CAST: variants seen among roughly 807,000 people sequenced by gnomAD.
CAST encodes the protein MIR583 host.
CAST carries 76 observed loss-of-function variants against 119.6 expected under a neutral mutation model. That is an observed-to-expected ratio of 0.64 (90% CI 0.53 to 0.77). The LOEUF (loss-of-function observed/expected upper bound fraction) is 0.77. Ranked by LOEUF, CAST falls within the 30% of genes least tolerant of loss-of-function variation. The probability of loss-of-function intolerance (pLI) is 0.00; values close to 1 mark genes in which losing one functional copy is unlikely to be tolerated. For missense variants in CAST, 953 were observed against 946.5 expected, an observed-to-expected ratio of 1.01 and a Z score of -0.09; for synonymous variants, 319 against 331.6, an observed-to-expected ratio of 0.96 and a Z score of 0.41.
At chr5:96,408,367 A>AGGAGT in the CAST span, 1 of 1,398,576 alleles carries the variant, frequency 7.2e-7, no homozygotes, top group Non-Finnish European at 1.0e-6. Context: ...AGAACACGTG[A>AGGAGT]GGAGTGTGGG....
the CAST span, among the ~76,000 whole-genome samples, chr5:96,321,530 T>A: frequency 4.6e-5 from 7 of 152,268 alleles, no homozygotes; most frequent in Non-Finnish European, 1.0e-4. Flanking sequence ...CAGACTGGAA[T>A]GTTCTTTTCT....
the CAST span, among the ~76,000 whole-genome samples, chr5:96,452,640 TAAAAAAAAA>T: frequency 1.4e-3 from 122 of 90,138 alleles, 1 homozygote; most frequent in South Asian, 0.022. Flanking sequence ...TAAAGTATAA[TAAAAAAAAA>T]AAAAAAAAAA....
At chr5:96,237,787 C>T in the CAST span, among the ~76,000 whole-genome samples, 12 of 152,056 alleles carry the variant, frequency 7.9e-5, no homozygotes, top group East Asian at 9.6e-4. Flanking sequence ...TTTCTACTTA[C>T]GCATTCCTAA....
chr5:96,737,919 A>T lies in CAST; in HGVS notation c.770A>T (p.Asn257Ile). 2 of 1,600,814 alleles carry T rather than the reference A, an allele frequency of 1.2e-6. No homozygotes were observed. Among genetic ancestry groups the T allele is most frequent in the Non-Finnish European group, 1.7e-6 (2 of 1,168,036 alleles). The change falls in exon 11 of 32, where the codon AAT becomes ATT. Residue 257 changes from asparagine (N) to isoleucine (I), a missense_variant. Asn to Ile is a moderately radical substitution (Grantham distance 149). Transcript: ENST00000675179. Reference sequence around the variant, plus strand: ...GGACCTGAAGAAACTGAAGAAGAAAATACAACGTATACTGGACCAGAAGTT... The same window carrying T: ...GGACCTGAAGAAACTGAAGAAGAAATTACAACGTATACTGGACCAGAAGTT... ...LGGPEETEEE[N>I]TTYTGPEVSD...
At chr5:96,212,772 G>A in the CAST span, among the ~76,000 whole-genome samples, 1 of 151,916 alleles carries the variant, frequency 6.6e-6, no homozygotes, top group African/African-American at 2.4e-5. Context: ...GTTGCTTTTT[G>A]TACACACATT....
intron 1 of CAST, among the ~76,000 whole-genome samples, chr5:96,597,834 G>T (rs1403423254): frequency 2.0e-5 from 3 of 152,026 alleles, no homozygotes; most frequent in Non-Finnish European, 4.4e-5. Flanking sequence ...TGTAAAGTGG[G>T]GGTCAGGGTG....
the CAST span, among the ~76,000 whole-genome samples, chr5:96,226,378 T>C: frequency 0.18 from 27,894 of 152,100 alleles, 4,073 homozygotes; most frequent in African/African-American, 0.4. Context: ...AGGCTGGGCA[T>C]GGTGGGTTAT....
At chr5:96,623,230 G>A (rs77262185) in intron 1 of CAST, among the ~76,000 whole-genome samples, 17,333 of 151,988 alleles carry the variant, frequency 0.11, 1,393 homozygotes, top group East Asian at 0.29. Context: ...CTTAGTGACA[G>A]GTCACAAACT....
chr5:96,541,785 T>C (rs192652217), intron 1 of CAST, among the ~76,000 whole-genome samples: 2 of 152,372 alleles, frequency 1.3e-5, no homozygotes, highest in African/African-American at 2.4e-5. Flanking sequence ...GGCATTGTTT[T>C]AGAGCTTGAT....
At chr5:96,577,703 A>G (rs1746699941) in intron 1 of CAST, among the ~76,000 whole-genome samples, 1 of 151,878 alleles carries the variant, frequency 6.6e-6, no homozygotes, top group African/African-American at 2.4e-5. Flanking sequence ...GTCTTCTGTT[A>G]TTGGTTTCTA....
chr5:96,663,199 C>G (rs2150216222), intron 1 of CAST: 1 of 702,660 alleles, frequency 1.4e-6, no homozygotes, highest in Non-Finnish European at 2.6e-6. Flanking sequence ...GGGCAGGACC[C>G]GGAAGGGAGT....
chr5:96,628,044 A>G (rs2150201145), intron 1 of CAST, among the ~76,000 whole-genome samples: 1 of 152,388 alleles, frequency 6.6e-6, no homozygotes, highest in South Asian at 2.1e-4. Flanking sequence ...TTATACAAAC[A>G]TTTAGAAAGG....
chr5:96,727,590 C>T, intron 6 of CAST, 60 bp downstream of exon 6: 1 of 1,089,214 alleles, frequency 9.2e-7, no homozygotes, highest in South Asian at 1.5e-5. Flanking sequence ...AATGAATAAT[C>T]AACTTCCTGC....
the CAST span, among the ~76,000 whole-genome samples, chr5:96,426,101 G>A: frequency 1.3e-5 from 2 of 152,210 alleles, no homozygotes; most frequent in Admixed American, 6.5e-5. Context: ...GCCCACTGGG[G>A]AGATGAATAT....
chr5:96,730,973 T>C (rs1011450529), intron 9 of CAST, 113 bp downstream of exon 9: 2 of 743,382 alleles, frequency 2.7e-6, no homozygotes, highest in African/African-American at 1.7e-5. Context: ...ACTGCTTATA[T>C]GTAAAATTTT....
At chr5:96,726,969 A>T (rs762362002) in intron 5 of CAST, 110 bp downstream of exon 5, 6 of 745,734 alleles carry the variant, frequency 8.0e-6, no homozygotes, top group Non-Finnish European at 1.1e-5. Flanking sequence ...CTGAGATCCC[A>T]TCATGGACTT....
At chr5:96,497,311 C>T in the CAST span, among the ~76,000 whole-genome samples, 1 of 152,090 alleles carries the variant, frequency 6.6e-6, no homozygotes, top group South Asian at 2.1e-4. Context: ...AATAGTGCCG[C>T]AATAAACATA....
the CAST span, among the ~76,000 whole-genome samples, chr5:96,498,920 C>A: frequency 0.34 from 51,469 of 151,522 alleles, 9,370 homozygotes; most frequent in East Asian, 0.55. Flanking sequence ...GACCATTCTT[C>A]TTCCAAATTT....
the CAST span, among the ~76,000 whole-genome samples, chr5:95,990,469 TG>T: frequency 6.6e-6 from 1 of 151,998 alleles, no homozygotes. Flanking sequence ...AATATCTTAC[TG>T]TTTTCTTGGC....
Sources: gnomAD v4.1 joint callset for allele counts (sites outside exome capture counted in the v4.1 genomes callset) on GRCh38, gnomAD v4.1.1 for gene constraint, MANE v1.5 for transcripts, NCBI Gene and HGNC (gene_info 2026-07-23, HGNC 2026-07-21) for gene names.